KCNAB1: variants seen among roughly 807,000 people sequenced by gnomAD.
KCNAB1 encodes voltage-gated potassium channel subunit beta-1.
Under a neutral mutation model 64.6 loss-of-function variants are expected in KCNAB1, and 35 were observed. The ratio of observed to expected loss-of-function variants is 0.54; its 90% CI spans 0.41 to 0.72. The LOEUF is 0.72. Ranked by LOEUF, KCNAB1 falls within the 30% of genes least tolerant of loss-of-function variation. The probability of loss-of-function intolerance (pLI) is 0.00; values close to 1 mark genes in which losing one functional copy is unlikely to be tolerated. For synonymous variants in KCNAB1, 177 were observed against 183.8 expected (o/e 0.96, Z 0.30); for missense variants, 401 against 512.9 (o/e 0.78, Z 2.11).
chr3:156,391,274 C>T (rs914866868), intron 1 of KCNAB1, among the ~76,000 whole-genome samples: 3 of 152,052 alleles, frequency 2.0e-5, no homozygotes, highest in African/African-American at 7.3e-5. Context: ...CCTGTTTCCT[C>T]GTCTATAAAA....
chr3:156,294,459 T>G (rs1459469173), intron 1 of KCNAB1, among the ~76,000 whole-genome samples: 1 of 152,186 alleles, frequency 6.6e-6, no homozygotes, highest in Non-Finnish European at 1.5e-5. Flanking sequence ...TTATGCCAAA[T>G]GTACACCAAG....
chr3:156,254,256 C>G (rs1392550317), intron 1 of KCNAB1, among the ~76,000 whole-genome samples: 2 of 152,194 alleles, frequency 1.3e-5, no homozygotes, highest in Non-Finnish European at 2.9e-5. Flanking sequence ...TCTTGTTTAG[C>G]TACCTGCCCT....
At chr3:156,143,569 G>GTTTTTTGTTTTGTTTTTTT (rs1553807969) in intron 1 of KCNAB1, 2 of 281,596 alleles carry the variant, frequency 7.1e-6, no homozygotes, top group African/African-American at 5.9e-5. Flanking sequence ...TTGCATTCTT[G>GTTTTTTGTTTTGTTTTTTT]TTTTTTTTTT....
chr3:156,505,280 A>T (rs1440202189), intron 8 of KCNAB1, among the ~76,000 whole-genome samples: 1 of 152,194 alleles, frequency 6.6e-6, no homozygotes, highest in East Asian at 1.9e-4. Flanking sequence ...TTATGCCAGT[A>T]TCACACTATT....
rs896869682 is a variant in KCNAB1, at chr3:156,323,165, C to T, written c.276-98451C>T. ...CTTAATTTTTTTAAGATTGGGGGCTCACCTATGTAAGAAATTAATTCTTTT... is the reference window on the plus strand; with the variant it reads ...CTTAATTTTTTTAAGATTGGGGGCTTACCTATGTAAGAAATTAATTCTTTT... On this transcript the variant is annotated intron_variant, in intron 1 of 13. Coordinates refer to ENST00000490337, the MANE Select transcript of KCNAB1 (RefSeq NM_172160.3). Among the ~76,000 whole-genome samples the T allele has an allele frequency of 2.6e-5, 4 of 152,080 alleles. No homozygotes were observed. The East Asian group carries it at 5.8e-4, about 22-fold the overall frequency.
intron 1 of KCNAB1, among the ~76,000 whole-genome samples, chr3:156,273,390 C>G (rs1266049754): frequency 6.6e-5 from 10 of 152,332 alleles, no homozygotes; most frequent in African/African-American, 2.4e-4. Flanking sequence ...AAAGCAAGTT[C>G]CAACTGCTGG....
chr3:156,123,841 T>G (rs76245318), intron 1 of KCNAB1, among the ~76,000 whole-genome samples: 2 of 152,078 alleles, frequency 1.3e-5, no homozygotes, highest in Non-Finnish European at 2.9e-5. Context: ...TTGAATAAAA[T>G]TTTTTTTCTG....
At chr3:156,310,645 G>C (rs1030532067) in intron 1 of KCNAB1, among the ~76,000 whole-genome samples, 1 of 151,896 alleles carries the variant, frequency 6.6e-6, no homozygotes, top group African/African-American at 2.4e-5. Flanking sequence ...CTACTAAAAA[G>C]TACAAAAAAT....
rs555573790 is a variant in KCNAB1 at position 156,221,782 on chromosome 3, C to A, written c.275+100896C>A. On this transcript the variant is annotated intron_variant, in intron 1 of 13. Coordinates refer to ENST00000490337, the MANE Select transcript of KCNAB1 (RefSeq NM_172160.3). ...GAAAAGAGCAAAACTCCATCCCCCCCCGCCAAAAAAAAAGTTTTGTGTCCA... is the reference window on the plus strand; with the variant it reads ...GAAAAGAGCAAAACTCCATCCCCCCACGCCAAAAAAAAAGTTTTGTGTCCA... Among the ~76,000 whole-genome samples, 965 of 147,732 alleles carry A rather than the reference C, an allele frequency of 6.5e-3. 10 individuals are homozygous for A. Among genetic ancestry groups the A allele is most frequent in the Non-Finnish European group, 9.7e-3 (645 of 66,798 alleles).
At chr3:156,405,466 G>A (rs73164737) in intron 1 of KCNAB1, among the ~76,000 whole-genome samples, 3,659 of 152,232 alleles carry the variant, frequency 0.024, 71 homozygotes, top group Non-Finnish European at 0.038. Context: ...ACTAAGAGGA[G>A]GTGGTTCTAT....
intron 8 of KCNAB1, among the ~76,000 whole-genome samples, chr3:156,490,881 A>G (rs1715583133): frequency 6.6e-6 from 1 of 152,142 alleles, no homozygotes. Flanking sequence ...GATTGACGCA[A>G]AGAAACATTA....
intron 1 of KCNAB1, among the ~76,000 whole-genome samples, chr3:156,409,929 A>C (rs1331250992): frequency 6.6e-6 from 1 of 152,242 alleles, no homozygotes; most frequent in African/African-American, 2.4e-5. Flanking sequence ...AACTGTATTC[A>C]ATGTTATTCT....
chr3:156,411,877 C>G (rs1261671637), intron 1 of KCNAB1, among the ~76,000 whole-genome samples: 1 of 152,094 alleles, frequency 6.6e-6, no homozygotes, highest in African/African-American at 2.4e-5. Flanking sequence ...TTTATCTTAC[C>G]ATATACATTT....
At chr3:156,414,177 C>A (rs112053021) in intron 1 of KCNAB1, among the ~76,000 whole-genome samples, 2,326 of 152,280 alleles carry the variant, frequency 0.015, 27 homozygotes, top group South Asian at 0.033. Flanking sequence ...AGAAGTCCTA[C>A]CTCAGATTTT....
At chr3:156,362,503 CCTTA>C (rs113065557) in intron 1 of KCNAB1, among the ~76,000 whole-genome samples, 2 of 152,244 alleles carry the variant, frequency 1.3e-5, no homozygotes, top group South Asian at 2.1e-4. Flanking sequence ...AGTTACATGA[CCTTA>C]CTTAGGCTAT....
intron 11 of KCNAB1, 79 bp downstream of exon 11, chr3:156,516,443 C>A: frequency 1.0e-6 from 1 of 1,000,098 alleles, no homozygotes; most frequent in Non-Finnish European, 1.6e-6. Context: ...TCTGCAGCAG[C>A]CTAGGGCTTC....
chr3:156,329,543 A>T lies in KCNAB1; in HGVS notation c.276-92073A>T, dbSNP rs1330369555. ...TAGGTTGGATAGTAGATTAGGAATG[A>T]CTACAAGGGGTCTCTTGGACAGAGC... On this transcript the variant is annotated intron_variant, in intron 1 of 13. Transcript: ENST00000490337. Among the ~76,000 whole-genome samples, 6 of 152,138 alleles carry T rather than the reference A, an allele frequency of 3.9e-5. 1 individual carries two copies. The East Asian group carries it at 7.7e-4, about 20-fold the overall frequency.
At chr3:156,291,697 C>T (rs1260257376) in intron 1 of KCNAB1, 3 of 1,419,026 alleles carry the variant, frequency 2.1e-6, no homozygotes, top group African/African-American at 2.9e-5. Context: ...TTCTCTGGGT[C>T]CCCGGGGACT....
Position 156,482,665 on chromosome 3 carries a change from C to T in KCNAB1, c.658+7845C>T, listed in dbSNP as rs570612559. On this transcript the variant is annotated intron_variant, in intron 8 of 13. Transcript: ENST00000490337. ...CTGTTACGAGCCAATTGATCTTAGG[C>T]AAGTTATTGAACTTCTCTTGTCCCT... Among the ~76,000 whole-genome samples the T allele has an allele frequency of 2.0e-5, 3 of 152,176 alleles. No individual in the cohort carries two copies. In the South Asian group the frequency reaches 6.2e-4, roughly 32 times the overall value.
Sources: gnomAD v4.1 joint callset for allele counts (sites outside exome capture counted in the v4.1 genomes callset) on GRCh38, gnomAD v4.1.1 for gene constraint, MANE v1.5 for transcripts, NCBI Gene and HGNC (gene_info 2026-07-23, HGNC 2026-07-21) for gene names.